Variants in TBC1D22A observed in about 807,000 individuals in gnomAD.
The protein encoded by TBC1D22A is putative GTPase activator.
In TBC1D22A, 38 loss-of-function variants were observed where a neutral mutation model predicts 60.2. The observed-to-expected ratio is 0.63, with a 90% CI of 0.49 to 0.83. The LOEUF is 0.83. TBC1D22A is among the 40% of genes least tolerant of loss of function. The pLI is 0.00. For missense variants in TBC1D22A, 628 were observed against 701.0 expected (o/e 0.90, Z 1.18); for synonymous variants, 302 against 281.7 (o/e 1.07, Z -0.72).
At position 46,933,591 on chromosome 22, in the gene TBC1D22A, T is replaced by C. The variant is rs16996011; in HGVS notation, c.1015+21403T>C. ...TGGCCTCTTCCACACAGGGATGCTA[T>C]TTAATTCTGAGGACAGAGACAGGGA... On this transcript the variant is annotated intron_variant, in intron 8 of 12. Coordinates refer to ENST00000337137, the MANE Select transcript of TBC1D22A (RefSeq NM_014346.5). Among the ~76,000 whole-genome samples, 1,382 of 152,126 alleles carry C rather than the reference T, an allele frequency of 9.1e-3. 24 individuals are homozygous for C. The highest frequency in any genetic ancestry group is 0.032 in the African/African-American group (1,314 of 41,456).
intron 11 of TBC1D22A, among the ~76,000 whole-genome samples, chr22:47,095,955 G>C (rs1046998312): frequency 6.6e-6 from 1 of 152,236 alleles, no homozygotes; most frequent in Admixed American, 6.5e-5. Flanking sequence ...ATATGGATGA[G>C]AGGTGCTGCT....
chr22:47,019,096 G>A lies in TBC1D22A; in HGVS notation c.1202-17975G>A, dbSNP rs557548792. ...AGCCACAGCCCCTCTTCACTCCCGC[G>A]CCTCCCAGCTGGCCTGGCGCCCACA... is the stretch of plus-strand genomic sequence containing the variant. On this transcript the variant is annotated intron_variant, in intron 10 of 12. Coordinates refer to ENST00000337137, the MANE Select transcript of TBC1D22A (RefSeq NM_014346.5). Among the ~76,000 whole-genome samples, 15 of 152,312 alleles carry A rather than the reference G, an allele frequency of 9.8e-5. No homozygotes were observed. In the South Asian group the frequency reaches 1.7e-3, roughly 17 times the overall value.
chr22:47,087,555 A>T (rs981733393), intron 11 of TBC1D22A, among the ~76,000 whole-genome samples: 1 of 152,230 alleles, frequency 6.6e-6, no homozygotes, highest in African/African-American at 2.4e-5. Context: ...AAGAATTGCA[A>T]AAGTTCTCAA....
chr22:47,173,452 AC>A, intron 12 of TBC1D22A, 45 bp from the exon 13 acceptor site: 1 of 1,603,786 alleles, frequency 6.2e-7, no homozygotes, highest in Non-Finnish European at 8.5e-7. Flanking sequence ...CCCGCCCTCC[AC>A]CGTGGGTCAC....
intron 12 of TBC1D22A, among the ~76,000 whole-genome samples, chr22:47,118,630 G>T (rs1240361928): frequency 2.0e-5 from 3 of 152,136 alleles, no homozygotes; most frequent in African/African-American, 7.2e-5. Flanking sequence ...ATGAGTAAAA[G>T]CAAATGAATA....
intron 10 of TBC1D22A, among the ~76,000 whole-genome samples, chr22:47,020,691 A>T (rs1348909624): frequency 6.6e-6 from 1 of 151,950 alleles, no homozygotes; most frequent in Non-Finnish European, 1.5e-5. Context: ...GCCAAGACAA[A>T]TGCAGTGAAT....
intron 10 of TBC1D22A, among the ~76,000 whole-genome samples, chr22:47,012,405 C>A (rs2061777860): frequency 6.6e-6 from 1 of 152,132 alleles, no homozygotes; most frequent in African/African-American, 2.4e-5. Context: ...CTGAACCTGC[C>A]AGGCTTTCCC....
intron 11 of TBC1D22A, among the ~76,000 whole-genome samples, chr22:47,038,821 T>A (rs1396493542): frequency 2.6e-5 from 4 of 152,240 alleles, no homozygotes; most frequent in Admixed American, 6.5e-5. Context: ...TCCAAGTGTT[T>A]GGCAGCTACA....
At position 46,895,668 on chromosome 22, in the gene TBC1D22A, G is replaced by A. The variant is rs142679550; in HGVS notation, c.900+822G>A. Among the ~76,000 whole-genome samples the A allele has an allele frequency of 1.2e-3, 186 of 152,272 alleles. 2 individuals carry two copies. Among genetic ancestry groups the A allele is most frequent in the African/African-American group, 4.4e-3 (181 of 41,554 alleles). ...ATTACAGGTGTGAGCCACGGCGCCCGGCGTCTCTCATTGTTTTCTAAGATT... is the reference window on the plus strand; with the variant it reads ...ATTACAGGTGTGAGCCACGGCGCCCAGCGTCTCTCATTGTTTTCTAAGATT... On this transcript the variant is annotated intron_variant, in intron 7 of 12. Coordinates refer to ENST00000337137, the MANE Select transcript of TBC1D22A (RefSeq NM_014346.5).
chr22:47,078,527 A>G (rs2064322476), intron 11 of TBC1D22A, among the ~76,000 whole-genome samples: 1 of 152,208 alleles, frequency 6.6e-6, no homozygotes, highest in African/African-American at 2.4e-5. Flanking sequence ...TGTGAGGAGT[A>G]AACCAAATGG....
intron 10 of TBC1D22A, among the ~76,000 whole-genome samples, chr22:47,002,315 C>T (rs1311499329): frequency 1.3e-5 from 2 of 152,230 alleles, no homozygotes; most frequent in Non-Finnish European, 2.9e-5. Flanking sequence ...TCTGAAATCA[C>T]ATGATCCCTG....
intron 11 of TBC1D22A, among the ~76,000 whole-genome samples, chr22:47,046,658 C>T (rs1422870446): frequency 6.6e-6 from 1 of 152,168 alleles, no homozygotes; most frequent in African/African-American, 2.4e-5. Flanking sequence ...GGGCTGAACA[C>T]GAAACATACC....
chr22:46,906,467 G>A (rs1215704421), intron 7 of TBC1D22A, among the ~76,000 whole-genome samples: 1 of 152,226 alleles, frequency 6.6e-6, no homozygotes, highest in African/African-American at 2.4e-5. Context: ...AACACAGCTT[G>A]CAGGCAGCAC....
At chr22:46,962,736 A>G (rs920147978) in intron 8 of TBC1D22A, among the ~76,000 whole-genome samples, 2 of 152,262 alleles carry the variant, frequency 1.3e-5, no homozygotes, top group African/African-American at 4.8e-5. Flanking sequence ...GTCAGATTCT[A>G]CAGGGCAGAA....
At chr22:47,002,481 A>G (rs962443123) in intron 10 of TBC1D22A, among the ~76,000 whole-genome samples, 4 of 152,206 alleles carry the variant, frequency 2.6e-5, no homozygotes, top group Admixed American at 2.6e-4. Context: ...TGTATAAATG[A>G]GATATTTGCT....
At chr22:47,172,744 C>T (rs539566011) in intron 12 of TBC1D22A, among the ~76,000 whole-genome samples, 6 of 152,284 alleles carry the variant, frequency 3.9e-5, no homozygotes, top group Non-Finnish European at 4.4e-5. Context: ...AGCTGGGCCT[C>T]GGGGTGGAGT....
chr22:47,044,432 A>G (rs2062964179), intron 11 of TBC1D22A, among the ~76,000 whole-genome samples: 1 of 152,082 alleles, frequency 6.6e-6, no homozygotes, highest in Non-Finnish European at 1.5e-5. Flanking sequence ...CAAGTACCGC[A>G]CCTGCTGGGT....
chr22:46,947,690 GTC>G (rs2078090495), intron 8 of TBC1D22A, among the ~76,000 whole-genome samples: 1 of 151,956 alleles, frequency 6.6e-6, no homozygotes, highest in Non-Finnish European at 1.5e-5. Flanking sequence ...TCTCCCTCCT[GTC>G]TCCCTCCCTT....
intron 11 of TBC1D22A, among the ~76,000 whole-genome samples, chr22:47,082,476 A>G (rs1253029666): frequency 6.6e-6 from 1 of 152,232 alleles, no homozygotes; most frequent in Non-Finnish European, 1.5e-5. Context: ...GTATATTTAT[A>G]ATACATACAT....
Sources: gnomAD v4.1 joint callset for allele counts (sites outside exome capture counted in the v4.1 genomes callset) on GRCh38, gnomAD v4.1.1 for gene constraint, MANE v1.5 for transcripts, NCBI Gene and HGNC (gene_info 2026-07-23, HGNC 2026-07-21) for gene names.